RBFOX1: variants seen among roughly 807,000 people sequenced by gnomAD.
RBFOX1 encodes RNA binding fox-1 homolog 1.
In RBFOX1, 8 loss-of-function variants were observed where a neutral mutation model predicts 57.7. The ratio of observed to expected loss-of-function variants is 0.14; its 90% confidence interval spans 0.08 to 0.25. The LOEUF (loss-of-function observed/expected upper bound fraction) is 0.25, where lower values mean the gene tolerates loss of function less well. Ranked by LOEUF, RBFOX1 falls within the 10% of genes least tolerant of loss-of-function variation. The pLI is 1.00. For synonymous variants in RBFOX1, 326 were observed against 222.4 expected, an observed-to-expected ratio of 1.47 and a Z score of -4.15; for missense variants, 611 against 548.5, an observed-to-expected ratio of 1.11 and a Z score of -1.14.
chr16:7,257,756 G>C (rs2094754193), intron 4 of RBFOX1, among the ~76,000 whole-genome samples: 1 of 152,188 alleles, frequency 6.6e-6, no homozygotes, highest in Non-Finnish European at 1.5e-5. Context: ...AATTTCAGTA[G>C]AACTCTGCAG....
At chr16:5,369,512 C>G (rs145882093) in intron 1 of RBFOX1, among the ~76,000 whole-genome samples, 1 of 152,202 alleles carries the variant, frequency 6.6e-6, no homozygotes, top group Non-Finnish European at 1.5e-5. Flanking sequence ...ATGCTGAGGA[C>G]GTTCTCCGTG....
chr16:6,958,725 C>G (rs768573621), intron 3 of RBFOX1, among the ~76,000 whole-genome samples: 1 of 152,100 alleles, frequency 6.6e-6, no homozygotes, highest in African/African-American at 2.4e-5. Context: ...TAGTTTTATG[C>G]CGCTTCAGAA....
chr16:7,103,297 A>C (rs555806633), intron 4 of RBFOX1, among the ~76,000 whole-genome samples: 1 of 152,240 alleles, frequency 6.6e-6, no homozygotes, highest in South Asian at 2.1e-4. Flanking sequence ...GTCCAGTCTC[A>C]AGTCAGTATA....
intron 1 of RBFOX1, among the ~76,000 whole-genome samples, chr16:5,426,446 C>A (rs1279445471): frequency 6.6e-6 from 1 of 152,204 alleles, no homozygotes; most frequent in Non-Finnish European, 1.5e-5. Context: ...GCGTTTGCAG[C>A]CACCGCCAGG....
chr16:6,793,973 T>G (rs891429493), intron 3 of RBFOX1, among the ~76,000 whole-genome samples: 2 of 152,046 alleles, frequency 1.3e-5, no homozygotes, highest in Admixed American at 6.6e-5. Flanking sequence ...ATACAGCAAG[T>G]GGTGTATGAT....
At chr16:6,483,267 T>A in intron 2 of RBFOX1, 1 of 1,299,056 alleles carries the variant, frequency 7.7e-7, no homozygotes, top group Non-Finnish European at 9.8e-7. Context: ...CGCGCCCGGG[T>A]GTTGATTGCC....
At position 6,660,481 on chromosome 16, in the gene RBFOX1, C is replaced by T. The variant is rs969371476; in HGVS notation, c.-16+5831C>T. Among the ~76,000 whole-genome samples, 21 of 152,158 alleles carry T rather than the reference C, an allele frequency of 1.4e-4. 1 individual carries two copies. In the South Asian group the frequency reaches 1.9e-3, roughly 14 times the overall value. ...GTCACTTGCCCAGGATTATTCAGGA[C>T]GTATCATGAGGCCACGATTTGAGCT... On this transcript the variant is annotated intron_variant, in intron 3 of 15. Coordinates refer to ENST00000550418, the MANE Select transcript of RBFOX1 (RefSeq NM_018723.4).
chr16:6,722,688 C>A (rs938505401), intron 3 of RBFOX1, among the ~76,000 whole-genome samples: 2 of 152,178 alleles, frequency 1.3e-5, no homozygotes, highest in Admixed American at 1.3e-4. Context: ...GTCTCTCTTG[C>A]AGTTGCACAA....
At chr16:7,388,620 C>G (rs962439888) in intron 4 of RBFOX1, among the ~76,000 whole-genome samples, 1 of 149,474 alleles carries the variant, frequency 6.7e-6, no homozygotes, top group Non-Finnish European at 1.5e-5. Context: ...CAGGCAGTCC[C>G]CAACTTAAAA....
chr16:6,286,470 C>T (rs1184135906), intron 1 of RBFOX1, among the ~76,000 whole-genome samples: 1 of 152,208 alleles, frequency 6.6e-6, no homozygotes, highest in Admixed American at 6.5e-5. Flanking sequence ...CTCCTTCATA[C>T]ATTGGAAGTA....
chr16:7,437,792 C>A (rs996422021), intron 4 of RBFOX1, among the ~76,000 whole-genome samples: 3 of 150,862 alleles, frequency 2.0e-5, no homozygotes, highest in Admixed American at 6.6e-5. Context: ...GGAAGGCAAA[C>A]GAATACAGAT....
At chr16:6,945,707 A>G (rs552125594) in intron 3 of RBFOX1, among the ~76,000 whole-genome samples, 3 of 152,260 alleles carry the variant, frequency 2.0e-5, no homozygotes, top group East Asian at 3.9e-4. Flanking sequence ...CCTGGCCAAC[A>G]TGGTGAAAAC....
intron 2 of RBFOX1, among the ~76,000 whole-genome samples, chr16:5,503,542 C>G (rs1287437527): frequency 6.6e-6 from 1 of 152,210 alleles, no homozygotes; most frequent in African/African-American, 2.4e-5. Flanking sequence ...CTCCTGGGTT[C>G]AAGCGATTCT....
intron 4 of RBFOX1, among the ~76,000 whole-genome samples, chr16:7,445,992 T>C (rs2098804716): frequency 6.6e-6 from 1 of 152,168 alleles, no homozygotes; most frequent in African/African-American, 2.4e-5. Flanking sequence ...TCGGGGATCT[T>C]CTCTTTCTAA....
intron 2 of RBFOX1, among the ~76,000 whole-genome samples, chr16:6,368,203 C>G (rs1282079272): frequency 6.6e-6 from 1 of 151,950 alleles, no homozygotes; most frequent in African/African-American, 2.4e-5. Flanking sequence ...TATTATATAC[C>G]CTGAATGAAA....
intron 3 of RBFOX1, among the ~76,000 whole-genome samples, chr16:5,788,258 A>T (rs1191078391): frequency 6.6e-6 from 1 of 152,170 alleles, no homozygotes; most frequent in African/African-American, 2.4e-5. Flanking sequence ...CACCCTTTCC[A>T]TTTAGAACCT....
chr16:7,457,331 T>G (rs1272402091), intron 4 of RBFOX1, among the ~76,000 whole-genome samples: 2 of 152,230 alleles, frequency 1.3e-5, no homozygotes, highest in South Asian at 4.1e-4. Flanking sequence ...CTGGGCCTCC[T>G]GACATTGGTG....
At chr16:7,552,227 T>C (rs889365248) in intron 5 of RBFOX1, among the ~76,000 whole-genome samples, 3 of 152,232 alleles carry the variant, frequency 2.0e-5, no homozygotes, top group African/African-American at 7.2e-5. Context: ...TTTCATAGAA[T>C]TTTACAACTT....
chr16:6,824,946 C>G (rs2091904714), intron 3 of RBFOX1, among the ~76,000 whole-genome samples: 1 of 139,256 alleles, frequency 7.2e-6, no homozygotes, highest in Non-Finnish European at 1.6e-5. Context: ...TAAGTGCATC[C>G]TTCTACACTG....
Sources: allele counts gnomAD v4.1 joint callset (sites outside exome capture counted in the v4.1 genomes callset), GRCh38; gene constraint gnomAD v4.1.1; transcripts MANE v1.5; gene names NCBI Gene and HGNC (gene_info 2026-07-23, HGNC 2026-07-21).